Variants in NTM observed in about 807,000 individuals in gnomAD.
NTM encodes the protein neurotrimin, also known as IgLON family member 2.
In NTM, 13 loss-of-function variants were observed where a neutral mutation model predicts 42.1. The observed-to-expected ratio is 0.31, with a 90% CI of 0.20 to 0.49. NTM has a LOEUF of 0.49. Among genes scored for constraint, NTM ranks in the 20% least tolerant of loss-of-function variants. The probability of loss-of-function intolerance (pLI) is 0.99; values close to 1 mark genes in which losing one functional copy is unlikely to be tolerated. For synonymous variants in NTM, 187 were observed against 179.2 expected, an observed-to-expected ratio of 1.04 and a Z score of -0.35; for missense variants, 373 against 452.8, an observed-to-expected ratio of 0.82 and a Z score of 1.60.
At chr11:131,968,155 A>C (rs971562422) in intron 2 of NTM, among the ~76,000 whole-genome samples, 20 of 152,236 alleles carry the variant, frequency 1.3e-4, no homozygotes, top group African/African-American at 4.6e-4. Flanking sequence ...TTGTAAAGTG[A>C]ATAAGGATCT....
chr11:132,258,586 T>C (rs2092650493), intron 4 of NTM, among the ~76,000 whole-genome samples: 2 of 152,278 alleles, frequency 1.3e-5, no homozygotes, highest in East Asian at 1.9e-4. Context: ...CTTCTCTCTA[T>C]GTATTTCTTG....
At chr11:131,866,284 A>T (rs1049890119) in intron 1 of NTM, among the ~76,000 whole-genome samples, 1 of 66,608 alleles carries the variant, frequency 1.5e-5, no homozygotes, top group Non-Finnish European at 2.9e-5. Context: ...TTTACATGGG[A>T]ATAAATAAAA....
At chr11:132,009,362 C>T (rs143170272) in intron 2 of NTM, among the ~76,000 whole-genome samples, 4 of 152,248 alleles carry the variant, frequency 2.6e-5, no homozygotes, top group African/African-American at 9.6e-5. Flanking sequence ...CAGCAAATTT[C>T]ATGGGAGAGC....
chr11:132,017,761 G>A (rs913323198), intron 2 of NTM, among the ~76,000 whole-genome samples: 2 of 151,930 alleles, frequency 1.3e-5, no homozygotes, highest in Non-Finnish European at 1.5e-5. Context: ...ATGATATATT[G>A]AGTCTTTAAA....
chr11:132,104,070 T>C lies in NTM; in HGVS notation c.168-42212T>C, dbSNP rs757449389. Among the ~76,000 whole-genome samples, 5 of 152,112 alleles carry C rather than the reference T, an allele frequency of 3.3e-5. No individual in the cohort carries two copies. The East Asian group carries it at 7.7e-4, about 23-fold the overall frequency. On this transcript the variant is annotated intron_variant, in intron 2 of 8. Coordinates refer to ENST00000683400, the MANE Select transcript of NTM (RefSeq NM_001352005.2). Reference sequence around the variant, plus strand: ...GAGTATATCTGATGCAGACCGGGACTGTGTTTTTCGTTGTTGTTGTTCTAT... The same window carrying C: ...GAGTATATCTGATGCAGACCGGGACCGTGTTTTTCGTTGTTGTTGTTCTAT...
intron 1 of NTM, among the ~76,000 whole-genome samples, chr11:131,431,039 C>T (rs986601704): frequency 4.6e-5 from 7 of 152,328 alleles, no homozygotes; most frequent in South Asian, 2.1e-4. Flanking sequence ...GATTTGCAGC[C>T]GTTCCACACA....
chr11:131,833,521 C>A (rs1386697728), intron 1 of NTM, among the ~76,000 whole-genome samples: 1 of 152,222 alleles, frequency 6.6e-6, no homozygotes, highest in East Asian at 1.9e-4. Flanking sequence ...GGAAGACACT[C>A]ATGGGGGAAG....
At chr11:131,621,058 T>C (rs1484165293) in intron 1 of NTM, among the ~76,000 whole-genome samples, 1 of 152,126 alleles carries the variant, frequency 6.6e-6, no homozygotes, top group African/African-American at 2.4e-5. Flanking sequence ...GAAACCTGAA[T>C]GATGTAGCAT....
At chr11:132,099,558 G>T (rs1485149595) in intron 2 of NTM, among the ~76,000 whole-genome samples, 2 of 152,118 alleles carry the variant, frequency 1.3e-5, no homozygotes, top group Non-Finnish European at 2.9e-5. Flanking sequence ...GAGGTGAAGT[G>T]ACTTGCCCCG....
chr11:132,001,344 G>C (rs999875340), intron 2 of NTM, among the ~76,000 whole-genome samples: 1 of 152,112 alleles, frequency 6.6e-6, no homozygotes, highest in Admixed American at 6.5e-5. Context: ...ATATATAAAG[G>C]CTGATTTATA....
At chr11:131,640,976 T>C (rs1241917611) in intron 1 of NTM, among the ~76,000 whole-genome samples, 1 of 152,148 alleles carries the variant, frequency 6.6e-6, no homozygotes, top group African/African-American at 2.4e-5. Flanking sequence ...TCAGTACCAA[T>C]ACAAAGGGAA....
chr11:131,990,976 C>T (rs1279620181), intron 2 of NTM, among the ~76,000 whole-genome samples: 1 of 152,072 alleles, frequency 6.6e-6, no homozygotes, highest in South Asian at 2.1e-4. Context: ...TACTGTCTAA[C>T]CTGAACAAGA....
intron 4 of NTM, among the ~76,000 whole-genome samples, chr11:132,246,416 G>A (rs2091171815): frequency 6.6e-6 from 1 of 152,218 alleles, no homozygotes; most frequent in African/African-American, 2.4e-5. Context: ...TTACAGGTAA[G>A]GAGCACCGCA....
intron 2 of NTM, among the ~76,000 whole-genome samples, chr11:132,098,280 C>CT (rs2061255991): frequency 6.6e-6 from 1 of 151,554 alleles, no homozygotes; most frequent in Non-Finnish European, 1.5e-5. Context: ...TAGTATATTC[C>CT]CCCAAAATTG....
At chr11:132,129,353 A>T (rs754472945) in intron 2 of NTM, among the ~76,000 whole-genome samples, 1 of 152,172 alleles carries the variant, frequency 6.6e-6, no homozygotes, top group Non-Finnish European at 1.5e-5. Flanking sequence ...ATTGATTCAG[A>T]GTCTCTGGCA....
At chr11:131,981,269 C>T (rs2065190201) in intron 2 of NTM, 1 of 152,182 alleles carries the variant, frequency 6.6e-6, no homozygotes, top group Admixed American at 6.5e-5. Flanking sequence ...ATTAAAGTGT[C>T]CTGACACCGT....
At chr11:131,963,731 A>G (rs1018858220) in intron 2 of NTM, among the ~76,000 whole-genome samples, 2 of 152,256 alleles carry the variant, frequency 1.3e-5, no homozygotes, top group Non-Finnish European at 2.9e-5. Flanking sequence ...CAGAGCTTAT[A>G]CAGACAAAAT....
Position 132,243,860 on chromosome 11 carries a change from C to G in NTM, c.526+31713C>G, listed in dbSNP as rs531894605. On this transcript the variant is annotated intron_variant, in intron 4 of 8. Transcript: ENST00000683400. ...ATATTGGCCCACAGAACCCCCAGCC[C>G]TGCAGCATGGCCCTGAGCCCTCACA... 2.5e-3 allele frequency among the ~76,000 whole-genome samples: 383 copies of G among 152,298 alleles called. 2 individuals carry two copies. The highest frequency in any genetic ancestry group is 8.9e-3 in the African/African-American group (368 of 41,564).
chr11:131,643,243 A>G (rs2065355399), intron 1 of NTM, among the ~76,000 whole-genome samples: 1 of 152,204 alleles, frequency 6.6e-6, no homozygotes. Context: ...GCTCAGAGTG[A>G]GTTAAGGGAT....
Sources: gnomAD v4.1 joint callset for allele counts (sites outside exome capture counted in the v4.1 genomes callset) on GRCh38, gnomAD v4.1.1 for gene constraint, MANE v1.5 for transcripts, NCBI Gene and HGNC (gene_info 2026-07-23, HGNC 2026-07-21) for gene names.